The following ADAM32 variants were observed in gnomAD, a reference collection of about 807,000 sequenced individuals.
ADAM32 encodes ADAM metallopeptidase domain 32.
In ADAM32, 89 loss-of-function variants were observed where a neutral mutation model predicts 114.9. That is an observed-to-expected ratio of 0.77 (90% CI 0.65 to 0.92). The LOEUF (loss-of-function observed/expected upper bound fraction) is 0.92. Among genes scored for constraint, ADAM32 ranks in the 40% least tolerant of loss-of-function variants. The pLI, the probability that ADAM32 is intolerant of heterozygous loss-of-function variation, is 0.00. For missense variants in ADAM32, 870 were observed against 932.8 expected (o/e 0.93, Z 0.88); for synonymous variants, 285 against 307.5 (o/e 0.93, Z 0.77).
At chr8:39,240,388 A>G (rs1810480695) in intron 16 of ADAM32, among the ~76,000 whole-genome samples, 1 of 152,222 alleles carries the variant, frequency 6.6e-6, no homozygotes, top group South Asian at 2.1e-4. Flanking sequence ...GATAATAGTG[A>G]CACAACCCAT....
At chr8:39,124,153 G>A (rs552133377) in intron 2 of ADAM32, among the ~76,000 whole-genome samples, 1 of 152,108 alleles carries the variant, frequency 6.6e-6, no homozygotes, top group Admixed American at 6.5e-5. Flanking sequence ...GCATCCGTTA[G>A]CTATACTTCC....
intron 10 of ADAM32, among the ~76,000 whole-genome samples, chr8:39,178,256 A>T (rs1319750898): frequency 1.3e-5 from 2 of 152,170 alleles, no homozygotes; most frequent in African/African-American, 2.4e-5. Context: ...GTCTTATTTC[A>T]GAAAGACAGT....
intron 10 of ADAM32, among the ~76,000 whole-genome samples, chr8:39,179,331 C>T (rs1318047160): frequency 6.6e-6 from 1 of 152,242 alleles, no homozygotes; most frequent in Non-Finnish European, 1.5e-5. Flanking sequence ...CTGCTACTGG[C>T]TGGCTCGAAT....
chr8:39,257,125 T>G (rs569098587), intron 18 of ADAM32, 62 bp from the exon 19 acceptor site: 2 of 1,422,260 alleles, frequency 1.4e-6, no homozygotes, highest in African/African-American at 2.9e-5. Flanking sequence ...GTGTTGCAAC[T>G]TGAAAGTAAA....
At chr8:39,133,125 G>A (rs1802563561) in intron 2 of ADAM32, among the ~76,000 whole-genome samples, 1 of 152,136 alleles carries the variant, frequency 6.6e-6, no homozygotes, top group Non-Finnish European at 1.5e-5. Context: ...AGTGTTGGAA[G>A]TGGGGCCTCA....
intron 2 of ADAM32, among the ~76,000 whole-genome samples, chr8:39,124,181 C>T (rs1801966324): frequency 6.6e-6 from 1 of 152,070 alleles, no homozygotes; most frequent in Non-Finnish European, 1.5e-5. Flanking sequence ...CTCCCTCCCC[C>T]AGCTCTCTGA....
chr8:39,275,739 G>A (rs1184433367), intron 21 of ADAM32, 89 bp from the exon 22 acceptor site: 19 of 1,268,636 alleles, frequency 1.5e-5, no homozygotes, highest in Non-Finnish European at 2.0e-5. Context: ...ATTAACACAG[G>A]TTGTAAAATG....
At chr8:39,151,569 T>C (rs775268635) in intron 6 of ADAM32, 21 bp downstream of exon 6, 1 of 1,455,344 alleles carries the variant, frequency 6.9e-7, no homozygotes, top group South Asian at 1.5e-5. Context: ...TATGTTTTAT[T>C]ACTACTTTTA....
At position 39,118,096 on chromosome 8, in the gene ADAM32, T is replaced by G; in HGVS notation, c.69T>G (p.Asn23Lys). 6.8e-7 allele frequency: 1 copy of G among 1,479,784 alleles called. No homozygotes were observed. Among genetic ancestry groups the G allele is most frequent in the Non-Finnish European group, 9.0e-7 (1 of 1,112,972 alleles). The allele number at this position is 1,479,784 out of a possible 1,614,324, so 91.7% of individuals were successfully genotyped here. The change falls in exon 2 of 25, where the codon AAT becomes AAG. Residue 23 changes from asparagine to lysine, a missense_variant. By Grantham distance (94) the Asn-to-Lys change is moderately conservative. Coordinates refer to ENST00000379907, the MANE Select transcript of ADAM32 (RefSeq NM_145004.7). ...TTTTTATCTCTTCAGGTTTTCAAAATTCACTTCTACAGATCGTAATTCCAG... is the reference window on the plus strand; with the variant it reads ...TTTTTATCTCTTCAGGTTTTCAAAAGTCACTTCTACAGATCGTAATTCCAG... ...GLLASRPGFQ[N>K]SLLQIVIPEK...
At chr8:39,198,258 AG>A (rs1807146406) in intron 11 of ADAM32, among the ~76,000 whole-genome samples, 1 of 152,150 alleles carries the variant, frequency 6.6e-6, no homozygotes, top group Non-Finnish European at 1.5e-5. Context: ...CCTTTCAGCC[AG>A]TCTATATTTT....
intron 23 of ADAM32, 89 bp downstream of exon 23, chr8:39,281,263 T>G: frequency 1.4e-6 from 1 of 716,194 alleles, no homozygotes; most frequent in Non-Finnish European, 2.0e-6. Context: ...TTGCTCAACA[T>G]TTTTTGAGCA....
At chr8:39,243,708 G>A (rs1229716837) in intron 16 of ADAM32, among the ~76,000 whole-genome samples, 1 of 152,138 alleles carries the variant, frequency 6.6e-6, no homozygotes, top group Non-Finnish European at 1.5e-5. Flanking sequence ...CATTTTCCCT[G>A]AGAACAGGAA....
chr8:39,284,496 A>G (rs1490840030), intron 24 of ADAM32, among the ~76,000 whole-genome samples: 1 of 152,152 alleles, frequency 6.6e-6, no homozygotes, highest in Non-Finnish European at 1.5e-5. Context: ...ATGTAAAGAC[A>G]TTAACTTAAT....
At chr8:39,198,579 TG>T (rs1234995477) in intron 11 of ADAM32, among the ~76,000 whole-genome samples, 4 of 152,194 alleles carry the variant, frequency 2.6e-5, no homozygotes, top group African/African-American at 9.6e-5. Flanking sequence ...GGTTTCACCA[TG>T]TTGGCTATGC....
At chr8:39,271,533 A>G (rs1311198524) in intron 20 of ADAM32, among the ~76,000 whole-genome samples, 2 of 132,904 alleles carry the variant, frequency 1.5e-5, no homozygotes, top group African/African-American at 2.6e-5. Context: ...GGTAATTGAA[A>G]AACCTCAAAA....
intron 2 of ADAM32, among the ~76,000 whole-genome samples, chr8:39,135,024 G>A (rs1055643664): frequency 5.3e-5 from 8 of 152,190 alleles, no homozygotes; most frequent in African/African-American, 9.6e-5. Context: ...GCGTGGTGGC[G>A]CATGTCTGTA....
At chr8:39,197,891 A>T (rs1807112648) in intron 11 of ADAM32, among the ~76,000 whole-genome samples, 1 of 152,164 alleles carries the variant, frequency 6.6e-6, no homozygotes, top group South Asian at 2.1e-4. Context: ...TGCCTAGATG[A>T]TCTGTCCAAT....
chr8:39,233,009 G>T (rs1467563028), intron 15 of ADAM32, among the ~76,000 whole-genome samples: 1 of 152,100 alleles, frequency 6.6e-6, no homozygotes, highest in Non-Finnish European at 1.5e-5. Flanking sequence ...ATGCTGTAGT[G>T]AATTGATTAT....
chr8:39,108,911 G>A (rs752678824), intron 1 of ADAM32, among the ~76,000 whole-genome samples: 20 of 152,264 alleles, frequency 1.3e-4, no homozygotes, highest in African/African-American at 4.3e-4. Flanking sequence ...AAGACAGGAG[G>A]AGGAAATTCT....
Sources: allele counts gnomAD v4.1 joint callset (sites outside exome capture counted in the v4.1 genomes callset), GRCh38; gene constraint gnomAD v4.1.1; transcripts MANE v1.5; gene names NCBI Gene and HGNC (gene_info 2026-07-23, HGNC 2026-07-21).